Variants in KPNA4 observed in about 807,000 individuals in gnomAD.
KPNA4 encodes the protein importin subunit alpha-3.
Under a neutral mutation model 71.3 loss-of-function variants are expected in KPNA4, and 13 were observed. That is an observed-to-expected ratio of 0.18 (90% CI 0.12 to 0.29). KPNA4 has a LOEUF of 0.29. Among genes scored for constraint, KPNA4 ranks in the 10% least tolerant of loss-of-function variants. The pLI is 1.00. For synonymous variants in KPNA4, 189 were observed against 195.2 expected, an observed-to-expected ratio of 0.97 and a Z score of 0.26; for missense variants, 334 against 603.2, an observed-to-expected ratio of 0.55 and a Z score of 4.67.
chr3:160,538,831 T>C (rs140460063), intron 1 of KPNA4, among the ~76,000 whole-genome samples: 1 of 152,274 alleles, frequency 6.6e-6, no homozygotes, highest in African/African-American at 2.4e-5. Context: ...ATACAGTAAC[T>C]TCTCAGAAGA....
intron 1 of KPNA4, among the ~76,000 whole-genome samples, chr3:160,544,803 T>G (rs74360026): frequency 3.9e-5 from 5 of 127,310 alleles, no homozygotes; most frequent in South Asian, 2.3e-4. Flanking sequence ...AGAAAAATAG[T>G]TTTTTTTTTC....
Position 160,501,947 on chromosome 3 carries a change from C to T in KPNA4, c.*157G>A, listed in dbSNP as rs559936030. Reference sequence around the variant, plus strand: ...TCTGTGATTCCAAATGAAATCTTCACATTTTCTTTCCCGATTTAATGCAGC... The same window carrying T: ...TCTGTGATTCCAAATGAAATCTTCATATTTTCTTTCCCGATTTAATGCAGC... On this transcript the variant is annotated 3_prime_UTR_variant, in exon 17 of 17. Coordinates refer to ENST00000334256, the MANE Select transcript of KPNA4 (RefSeq NM_002268.5). 3.0e-5 allele frequency: 8 copies of T among 269,474 alleles called. No individual in the cohort carries two copies. In the East Asian group the frequency reaches 5.0e-4, roughly 17 times the overall value. The allele number at this position is 269,474 out of a possible 1,614,324, so 16.7% of individuals were successfully genotyped here.
intron 15 of KPNA4, among the ~76,000 whole-genome samples, chr3:160,507,563 T>C (rs1721012541): frequency 6.6e-6 from 1 of 151,854 alleles, no homozygotes; most frequent in Admixed American, 6.6e-5. Flanking sequence ...CTTTGTCTCT[T>C]CATAGTTTCT....
intron 1 of KPNA4, among the ~76,000 whole-genome samples, chr3:160,552,959 C>G (rs1215155345): frequency 6.6e-6 from 1 of 151,996 alleles, no homozygotes; most frequent in African/African-American, 2.4e-5. Context: ...GCTAATGAAG[C>G]AGGAGAGGTG....
Position 160,497,787 on chromosome 3 carries a change from A to G in KPNA4, c.*4317T>C, listed in dbSNP as rs1033785488. On this transcript the variant is annotated 3_prime_UTR_variant, in exon 17 of 17. Transcript: ENST00000334256. ...GTGGATTCTAACTGAAATTTTATATATAAATGGTAGATAATCCACCAAACC... is the reference window on the plus strand; with the variant it reads ...GTGGATTCTAACTGAAATTTTATATGTAAATGGTAGATAATCCACCAAACC... 12 of 152,216 alleles carry G rather than the reference A, an allele frequency of 7.9e-5. No homozygotes were observed. The highest frequency in any genetic ancestry group is 2.7e-4 in the African/African-American group (11 of 41,454). 9.4% of individuals were successfully genotyped at this position (152,216 alleles called of 1,614,324 possible).
chr3:160,509,833 T>C lies in KPNA4; in HGVS notation c.1176A>G (p.Ile392Met), dbSNP rs1182307627. 1 of 1,612,694 alleles carries C rather than the reference T, an allele frequency of 6.2e-7. No individual in the cohort carries two copies. Among genetic ancestry groups the C allele is most frequent in the Non-Finnish European group, 8.5e-7 (1 of 1,178,996 alleles). ...FGTQKEAAWAISNLTISGRKD... is the reference protein window; with the variant it reads ...FGTQKEAAWAMSNLTISGRKD... ...TCCTTCCACTAATTGTTAAGTTACT[T>C]ATGGCCCAAGCAGCTTCTTTTTGAG... The change falls in exon 14 of 17, where the codon ATA becomes ATG. Residue 392 changes from isoleucine to methionine, a missense_variant. By Grantham distance (10) the Ile-to-Met change is conservative. Transcript: ENST00000334256.
At chr3:160,538,137 G>A (rs957220171) in intron 1 of KPNA4, among the ~76,000 whole-genome samples, 1 of 149,058 alleles carries the variant, frequency 6.7e-6, no homozygotes. Flanking sequence ...ATATATGTAT[G>A]TATATATGTA....
At chr3:160,546,653 A>G (rs546337548) in intron 1 of KPNA4, among the ~76,000 whole-genome samples, 1 of 152,324 alleles carries the variant, frequency 6.6e-6, no homozygotes, top group East Asian at 1.9e-4. Context: ...TACTTTATAA[A>G]CTAATATGGT....
chr3:160,540,316 A>G (rs998971578), intron 1 of KPNA4, among the ~76,000 whole-genome samples: 3 of 152,116 alleles, frequency 2.0e-5, no homozygotes, highest in African/African-American at 7.2e-5. Context: ...TTTTCTTTTT[A>G]CTTGATACTC....
Position 160,502,172 on chromosome 3 carries a change from C to G in KPNA4, c.1498G>C (p.Ala500Pro), listed in dbSNP as rs1262024727. 17 of 1,594,624 alleles carry G rather than the reference C, an allele frequency of 1.1e-5. No homozygotes were observed. The highest frequency in any genetic ancestry group is 1.4e-5 in the Non-Finnish European group (16 of 1,167,522). ...IDEDPSLVPE[A>P]IQGGTFGFNS... ...AAACCAAATGTTCCGCCTTGAATTG[C>G]CTCTGGAACAAGGCTAGGGTCTTCA... The change falls in exon 17 of 17, where the codon GCA becomes CCA. Residue 500 changes from alanine to proline, a missense_variant. Physicochemically the swap from Ala to Pro is conservative, Grantham distance 27. Coordinates refer to ENST00000334256, the MANE Select transcript of KPNA4 (RefSeq NM_002268.5).
intron 1 of KPNA4, among the ~76,000 whole-genome samples, chr3:160,552,878 T>C (rs1285323637): frequency 1.3e-5 from 2 of 152,036 alleles, no homozygotes; most frequent in Non-Finnish European, 2.9e-5. Context: ...GACGGAGAAG[T>C]AGACAAGGAC....
chr3:160,552,476 C>T (rs1236601770), intron 1 of KPNA4, among the ~76,000 whole-genome samples: 1 of 152,100 alleles, frequency 6.6e-6, no homozygotes, highest in Non-Finnish European at 1.5e-5. Context: ...ATGCTGACTA[C>T]ATACCAGGCT....
At chr3:160,561,931 C>G (rs1722252470) in intron 1 of KPNA4, among the ~76,000 whole-genome samples, 1 of 152,066 alleles carries the variant, frequency 6.6e-6, no homozygotes, top group Non-Finnish European at 1.5e-5. Flanking sequence ...CTTCACAACA[C>G]TCATGAAGCA....
At chr3:160,527,518 T>A (rs1161003136) in intron 8 of KPNA4, among the ~76,000 whole-genome samples, 1 of 152,122 alleles carries the variant, frequency 6.6e-6, no homozygotes, top group Non-Finnish European at 1.5e-5. Context: ...AGAGAAAAAA[T>A]TTCATTTTAG....
intron 7 of KPNA4, among the ~76,000 whole-genome samples, chr3:160,529,979 C>G (rs1721539334): frequency 6.7e-6 from 1 of 149,448 alleles, no homozygotes. Context: ...ACTAAAAATA[C>G]AAAAAACTAG....
intron 12 of KPNA4, chr3:160,515,100 A>G (rs1230485620): frequency 1.9e-6 from 1 of 519,820 alleles, no homozygotes; most frequent in East Asian, 5.4e-5. Context: ...AGCCACCACA[A>G]GCACACACAC....
rs1720865535 is a variant in KPNA4, at chr3:160,500,982, A to T, written c.*1122T>A. On this transcript the variant is annotated 3_prime_UTR_variant, in exon 17 of 17. Transcript: ENST00000334256. ...AATCTAAAAATGAACTATGCTGTAGATTTACCTCATGCAAAGATCTTTATG... is the reference window on the plus strand; with the variant it reads ...AATCTAAAAATGAACTATGCTGTAGTTTTACCTCATGCAAAGATCTTTATG... 6.6e-6 allele frequency: 1 copy of T among 152,594 alleles called. No individual in the cohort carries two copies. The highest frequency in any genetic ancestry group is 6.5e-5 in the Admixed American group (1 of 15,274). 9.5% of individuals were successfully genotyped at this position (152,594 alleles called of 1,614,324 possible).
chr3:160,536,803 A>G lies in KPNA4; in HGVS notation c.107T>C (p.Leu36Ser). Residue 36 changes from leucine to serine, a missense_variant, in exon 2 of 17, where the codon TTA becomes TCA. Transcript: ENST00000334256. ...AATATTAATCAGACTCACCTTCCTT[A>G]ATTCAACTACAACTTCATTTCGTTG... is the stretch of plus-strand genomic sequence containing the variant. ...RRQRNEVVVE[L>S]RKNKRDEHLL... The G allele has an allele frequency of 6.3e-7, 1 of 1,581,690 alleles. No individual in the cohort carries two copies. The highest frequency in any genetic ancestry group is 8.7e-7 in the Non-Finnish European group (1 of 1,154,354).
intron 11 of KPNA4, among the ~76,000 whole-genome samples, chr3:160,517,484 A>T (rs1721253285): frequency 6.6e-6 from 1 of 152,064 alleles, no homozygotes; most frequent in East Asian, 1.9e-4. Context: ...ACCTAAGAGT[A>T]ATTAATTGCC....
Sources: allele counts gnomAD v4.1 joint callset (sites outside exome capture counted in the v4.1 genomes callset), GRCh38; gene constraint gnomAD v4.1.1; transcripts MANE v1.5; gene names NCBI Gene and HGNC (gene_info 2026-07-23, HGNC 2026-07-21).